Variants in LRP11 observed in about 807,000 individuals in gnomAD.
LRP11 encodes low-density lipoprotein receptor-related protein 11.
A neutral mutation model predicts 43.1 loss-of-function variants in LRP11; 25 were observed. That is an observed-to-expected ratio of 0.58 (90% CI 0.42 to 0.81). The LOEUF is 0.81. Ranked by LOEUF, LRP11 falls within the 30% of genes least tolerant of loss-of-function variation. LRP11 has a pLI of 0.00. For synonymous variants in LRP11, 316 were observed against 299.4 expected, an observed-to-expected ratio of 1.06 and a Z score of -0.57; for missense variants, 623 against 665.1, an observed-to-expected ratio of 0.94 and a Z score of 0.70.
At chr6:149,828,829 A>G (rs1399022938) in intron 5 of LRP11, among the ~76,000 whole-genome samples, 1 of 152,166 alleles carries the variant, frequency 6.6e-6, no homozygotes, top group East Asian at 1.9e-4. Flanking sequence ...TGAAGGTTCA[A>G]TGTAAGCCTT....
intron 5 of LRP11, among the ~76,000 whole-genome samples, chr6:149,835,685 A>G (rs576418832): frequency 1.5e-4 from 23 of 152,318 alleles, no homozygotes; most frequent in Non-Finnish European, 3.1e-4. Flanking sequence ...ATAACGTTGA[A>G]TTACTAGCAC....
chr6:149,820,685 G>A lies in LRP11; in HGVS notation c.1367C>T (p.Ala456Val), dbSNP rs139931861. Residue 456 changes from alanine (A) to valine (V), a missense_variant, in exon 7 of 7, where the codon GCG (alanine) becomes GTG (valine). Ala to Val is a moderately conservative substitution (Grantham distance 64). Coordinates refer to ENST00000239367, the MANE Select transcript of LRP11 (RefSeq NM_032832.6). ...CAGAGCAGTGATAGCCAAACCCAGC[G>A]CCAGGGGTAGCACTGCACCTTTGAG... is the stretch of plus-strand genomic sequence containing the variant. The part of the protein sequence containing the change: ...APETGAVLPL[A>V]LGLAITALLL... The A allele has an allele frequency of 1.8e-4, 142 of 780,974 alleles. No homozygotes were observed. In the African/African-American group the frequency reaches 1.9e-3, roughly 11 times the overall value. 48.4% of individuals were successfully genotyped at this position (780,974 alleles called of 1,614,324 possible).
At chr6:149,851,815 C>G (rs1776723888) in intron 2 of LRP11, among the ~76,000 whole-genome samples, 1 of 152,100 alleles carries the variant, frequency 6.6e-6, no homozygotes, top group Non-Finnish European at 1.5e-5. Flanking sequence ...AAAGAACTGC[C>G]CGAAACTGGG....
At chr6:149,853,484 T>C (rs890210168) in intron 1 of LRP11, among the ~76,000 whole-genome samples, 7 of 152,160 alleles carry the variant, frequency 4.6e-5, no homozygotes, top group Admixed American at 2.0e-4. Context: ...AAGTTCAAAA[T>C]ACTGTTAAAT....
At chr6:149,859,257 T>A (rs1209278448) in intron 1 of LRP11, among the ~76,000 whole-genome samples, 1 of 151,518 alleles carries the variant, frequency 6.6e-6, no homozygotes, top group Non-Finnish European at 1.5e-5. Context: ...AAATTGGCCT[T>A]ATTTACATTT....
chr6:149,860,378 A>G (rs141328295), intron 1 of LRP11, among the ~76,000 whole-genome samples: 22 of 152,032 alleles, frequency 1.4e-4, no homozygotes, highest in Non-Finnish European at 2.8e-4. Flanking sequence ...CTGGAATCCT[A>G]GCAGCTCTAG....
chr6:149,825,954 C>T (rs952967309), intron 6 of LRP11, among the ~76,000 whole-genome samples: 2 of 152,112 alleles, frequency 1.3e-5, no homozygotes, highest in African/African-American at 4.8e-5. Flanking sequence ...CAGCTTTGAG[C>T]AAGGATTTGA....
Position 149,863,482 on chromosome 6 carries a change from C to A in LRP11, c.539G>T (p.Gly180Val), listed in dbSNP as rs975876598. ...RNVCKFALHS[G>V]YSSYSLSRAP... ...GCGGCTGAGGCTGTAGCTGCTGTAGCCGCTGTGCAGCGCGAACTTGCAGAC... is the reference window on the plus strand; with the variant it reads ...GCGGCTGAGGCTGTAGCTGCTGTAGACGCTGTGCAGCGCGAACTTGCAGAC... The change falls in exon 1 of 7, where the codon GGC becomes GTC. Residue 180 changes from glycine to valine, a missense_variant. Coordinates refer to ENST00000239367, the MANE Select transcript of LRP11 (RefSeq NM_032832.6). 1.6e-5 allele frequency: 22 copies of A among 1,346,400 alleles called. No individual in the cohort carries two copies. The highest frequency in any genetic ancestry group is 1.8e-5 in the Non-Finnish European group (19 of 1,058,070). The allele number at this position is 1,346,400 out of a possible 1,614,324, so 83.4% of individuals were successfully genotyped here. A position where few individuals can be genotyped will look rare whatever the true frequency, so the allele number is the denominator to read the frequency against.
In LRP11 at chr6:149,859,377, C is replaced by CATATATATATATATATATATATAT. The variant is rs201050390; in HGVS notation, c.613+4030_613+4031insATATATATATATATATATATATAT. ...TTTATTTTTATTTTTCTTGCTGACT[C>CATATATATATATATATATATATAT]ATATATATATATATATATATTTTTT... On this transcript the variant is annotated intron_variant, in intron 1 of 6. Coordinates refer to ENST00000239367, the MANE Select transcript of LRP11 (RefSeq NM_032832.6). Among the ~76,000 whole-genome samples the CATATATATATATATATATATATAT allele has an allele frequency of 1.5e-3, 78 of 51,540 alleles. 5 individuals carry two copies. The highest frequency in any genetic ancestry group is 9.7e-3 in the East Asian group (6 of 620). 33.8% of individuals were successfully genotyped at this position (51,540 alleles called of 152,430 possible).
Position 149,836,095 on chromosome 6 carries a change from A to T in LRP11, c.1242T>A (p.Pro414=), listed in dbSNP as rs1469943741. The T allele has an allele frequency of 1.2e-6, 2 of 1,613,900 alleles. No homozygotes were observed. The highest frequency in any genetic ancestry group is 2.7e-5 in the African/African-American group (2 of 74,930). The change falls in exon 5 of 7, where the codon CCT becomes CCA. Residue 414 remains proline, a synonymous_variant. Coordinates refer to ENST00000239367, the MANE Select transcript of LRP11 (RefSeq NM_032832.6). ...ACCGTGAATCCTTACCTGGCATCACAGGAATGATTTGACTCTCTGGTCCCC... is the reference window on the plus strand; with the variant it reads ...ACCGTGAATCCTTACCTGGCATCACTGGAATGATTTGACTCTCTGGTCCCC... ...AFWGPESQII[P]VMPDSSSSGK... is the part of the protein sequence containing the mutation.
intron 5 of LRP11, among the ~76,000 whole-genome samples, chr6:149,834,399 T>C (rs1427080321): frequency 6.6e-6 from 1 of 152,208 alleles, no homozygotes; most frequent in African/African-American, 2.4e-5. Context: ...ATGAAGTGAC[T>C]TATTCAAGGT....
chr6:149,820,684 C>T lies in LRP11; in HGVS notation c.1368G>A (p.Ala456=), dbSNP rs145990394. ...APETGAVLPL[A]LGLAITALLL... ...GCAGAGCAGTGATAGCCAAACCCAGCGCCAGGGGTAGCACTGCACCTTTGA... is the reference window on the plus strand; with the variant it reads ...GCAGAGCAGTGATAGCCAAACCCAGTGCCAGGGGTAGCACTGCACCTTTGA... The change falls in exon 7 of 7, where the codon GCG becomes GCA. Residue 456 remains alanine (A), a synonymous_variant. Transcript: ENST00000239367. The T allele has an allele frequency of 7.9e-5, 62 of 780,840 alleles. No homozygotes were observed. Among genetic ancestry groups the T allele is most frequent in the Admixed American group, 1.5e-4 (9 of 59,004 alleles). 48.4% of individuals were successfully genotyped at this position (780,840 alleles called of 1,614,324 possible).
At chr6:149,857,504 CA>C (rs78898379) in intron 1 of LRP11, among the ~76,000 whole-genome samples, 1,679 of 120,756 alleles carry the variant, frequency 0.014, 8 homozygotes, top group Non-Finnish European at 0.02. Flanking sequence ...GTCCCTGTGT[CA>C]AAAAAAAAAA....
chr6:149,863,610 C>T lies in LRP11; in HGVS notation c.411G>A (p.Glu137=). The change falls in exon 1 of 7, where the codon GAG becomes GAA. Residue 137 remains glutamate (E), a synonymous_variant. Transcript: ENST00000239367. ...WRQCVAACCS[E]PRCSVAVVEL... Reference sequence around the variant, plus strand: ...CCACCACGGCCACGGAGCAGCGCGGCTCGGAGCAGCAGGCCGCCACGCATT... The same window carrying T: ...CCACCACGGCCACGGAGCAGCGCGGTTCGGAGCAGCAGGCCGCCACGCATT... 6.9e-7 allele frequency: 1 copy of T among 1,458,490 alleles called. No individual in the cohort carries two copies. The allele number at this position is 1,458,490 out of a possible 1,614,324, so 90.3% of individuals were successfully genotyped here.
chr6:149,843,299 A>C (rs929620176), intron 2 of LRP11, among the ~76,000 whole-genome samples, 175 bp from the exon 3 acceptor site: 1 of 152,200 alleles, frequency 6.6e-6, no homozygotes, highest in Non-Finnish European at 1.5e-5. Context: ...CCTTGAACTC[A>C]TAAGTTCTAG....
intron 1 of LRP11, among the ~76,000 whole-genome samples, chr6:149,856,960 G>A (rs557064566): frequency 7.2e-5 from 11 of 152,036 alleles, no homozygotes; most frequent in African/African-American, 2.7e-4. Flanking sequence ...GCAACACTTC[G>A]GAAAAAAAAT....
At chr6:149,826,143 G>C (rs574986367) in intron 6 of LRP11, 121 bp downstream of exon 6, 3 of 788,038 alleles carry the variant, frequency 3.8e-6, no homozygotes, top group African/African-American at 3.4e-5. Context: ...CAGTTCTTTC[G>C]GTCCACTGAC....
chr6:149,859,396 A>ATTTTT (rs1163759560), intron 1 of LRP11, among the ~76,000 whole-genome samples: 16 of 71,492 alleles, frequency 2.2e-4, no homozygotes, highest in East Asian at 8.8e-4. Context: ...ATATATATAT[A>ATTTTT]TTTTTTTTTT....
chr6:149,830,528 A>G (rs1776395802), intron 5 of LRP11, among the ~76,000 whole-genome samples: 1 of 152,170 alleles, frequency 6.6e-6, no homozygotes, highest in South Asian at 2.1e-4. Context: ...AGGCAAAATC[A>G]CACACTTTTA....
Sources: allele counts gnomAD v4.1 joint callset (sites outside exome capture counted in the v4.1 genomes callset), GRCh38; gene constraint gnomAD v4.1.1; transcripts MANE v1.5; gene names NCBI Gene and HGNC (gene_info 2026-07-23, HGNC 2026-07-21).